The following PPIL1 variants were observed in gnomAD, a reference collection of about 807,000 sequenced individuals.
PPIL1 encodes peptidylprolyl isomerase like 1, also known as peptidyl-prolyl cis-trans isomerase-like 1.
In PPIL1, 14 loss-of-function variants were observed where a neutral mutation model predicts 19.4. The observed-to-expected ratio is 0.72, with a 90% CI of 0.48 to 1.13. The LOEUF is 1.13. Ranked by LOEUF, PPIL1 falls within the 50% of genes most tolerant of loss-of-function variation. PPIL1 has a pLI of 0.00. For missense variants in PPIL1, 192 were observed against 218.0 expected, an observed-to-expected ratio of 0.88 and a Z score of 0.75; for synonymous variants, 72 against 73.6, an observed-to-expected ratio of 0.98 and a Z score of 0.11.
intron 2 of PPIL1, among the ~76,000 whole-genome samples, chr6:36,867,399 T>C (rs1458625289): frequency 1.3e-5 from 2 of 150,918 alleles, no homozygotes; most frequent in Non-Finnish European, 3.0e-5. Flanking sequence ...GTAAAAAGAG[T>C]CAGCCAAGAG....
At position 36,855,651 on chromosome 6, in the gene PPIL1, A is replaced by C. The variant is rs1191505632; in HGVS notation, c.*162T>G. On this transcript the variant is annotated 3_prime_UTR_variant, in exon 4 of 4. Coordinates refer to ENST00000373699, the MANE Select transcript of PPIL1 (RefSeq NM_016059.5). ...TGGGGGAAGAGAAAAGAAGCATCCT[A>C]TTAAAATGTACTTCCATCTCTAACT... is the stretch of plus-strand genomic sequence containing the variant. 1.9e-5 allele frequency: 13 copies of C among 678,730 alleles called. No homozygotes were observed. Among genetic ancestry groups the C allele is most frequent in the Non-Finnish European group, 2.7e-5 (11 of 401,964 alleles). 42.0% of individuals were successfully genotyped at this position (678,730 alleles called of 1,614,324 possible).
At chr6:36,874,377 T>C (rs542028210) in intron 1 of PPIL1, among the ~76,000 whole-genome samples, 2 of 152,374 alleles carry the variant, frequency 1.3e-5, no homozygotes, top group African/African-American at 4.8e-5. Context: ...CAGGGCTGTC[T>C]GTGTTTTATC....
At position 36,874,699 on chromosome 6, in the gene PPIL1, A is replaced by G; in HGVS notation, c.56+18T>C. On this transcript the variant is annotated intron_variant, in intron 1 of 3. Coordinates refer to ENST00000373699, the MANE Select transcript of PPIL1 (RefSeq NM_016059.5). ...TCCGCGTCTCCTCTGCCAGCCCCAG[A>G]CGCCCGAACCCCCTCACCTGGTCTC... The G allele has an allele frequency of 6.2e-7, 1 of 1,613,452 alleles. No individual in the cohort carries two copies. Among genetic ancestry groups the G allele is most frequent in the Non-Finnish European group, 8.5e-7 (1 of 1,179,662 alleles).
intron 2 of PPIL1, among the ~76,000 whole-genome samples, chr6:36,862,980 A>G (rs909636425): frequency 2.0e-5 from 3 of 152,170 alleles, no homozygotes; most frequent in African/African-American, 7.2e-5. Flanking sequence ...CTTAATCAAG[A>G]CACTTTCTCT....
In PPIL1 at chr6:36,855,199, ATG is replaced by A. The variant is rs1774142012; in HGVS notation, c.*612_*613del. On this transcript the variant is annotated 3_prime_UTR_variant, in exon 4 of 4. Transcript: ENST00000373699. ...ACCTTCTTAGAAACTTGATTGTTGG[ATG>A]TGTTTTTCATTTGGCAAAAATTCAA... 6.5e-6 allele frequency: 1 copy of A among 153,118 alleles called. No homozygotes were observed. The highest frequency in any genetic ancestry group is 1.5e-5 in the Non-Finnish European group (1 of 68,374). The allele number at this position is 153,118 out of a possible 1,614,324, so 9.5% of individuals were successfully genotyped here.
chr6:36,856,483 T>C (rs1774169706), intron 3 of PPIL1, 103 bp downstream of exon 3: 1 of 1,067,368 alleles, frequency 9.4e-7, no homozygotes, highest in Non-Finnish European at 1.4e-6. Flanking sequence ...GGCAGCTATC[T>C]GGCACCATGC....
intron 2 of PPIL1, among the ~76,000 whole-genome samples, chr6:36,868,594 T>G (rs1360194616): frequency 6.6e-6 from 1 of 152,114 alleles, no homozygotes; most frequent in Non-Finnish European, 1.5e-5. Context: ...TCCCAACATT[T>G]TGGAAGGCCG....
intron 1 of PPIL1, 123 bp downstream of exon 1, chr6:36,874,594 G>T: frequency 1.5e-6 from 2 of 1,325,974 alleles, no homozygotes; most frequent in Non-Finnish European, 2.1e-6. Context: ...CGTCTCGGCC[G>T]CTGCTCCACG....
In PPIL1 at chr6:36,854,953, T is replaced by C. The variant is rs1028967225; in HGVS notation, c.*860A>G. On this transcript the variant is annotated 3_prime_UTR_variant, in exon 4 of 4. Transcript: ENST00000373699. ...ATTTTTATACATAAACAACTGAACA[T>C]ATAAAAATCTTGGACCTAATTTCTC... is the stretch of plus-strand genomic sequence containing the variant. 8 of 152,638 alleles carry C rather than the reference T, an allele frequency of 5.2e-5. No individual in the cohort carries two copies. Among genetic ancestry groups the C allele is most frequent in the African/African-American group, 1.9e-4 (8 of 41,448 alleles). 9.5% of individuals were successfully genotyped at this position (152,638 alleles called of 1,614,324 possible).
At chr6:36,860,571 C>T (rs908772986) in intron 2 of PPIL1, among the ~76,000 whole-genome samples, 4 of 152,050 alleles carry the variant, frequency 2.6e-5, no homozygotes, top group African/African-American at 9.7e-5. Context: ...ACCTCCGCCC[C>T]CAAGAAATAA....
chr6:36,856,389 C>T (rs1774168310), intron 3 of PPIL1, among the ~76,000 whole-genome samples, 197 bp downstream of exon 3: 3 of 152,166 alleles, frequency 2.0e-5, no homozygotes, highest in Admixed American at 6.5e-5. Flanking sequence ...TAGAACACAC[C>T]GACCAGTGCT....
At chr6:36,866,876 G>A (rs560726845) in intron 2 of PPIL1, among the ~76,000 whole-genome samples, 1 of 152,286 alleles carries the variant, frequency 6.6e-6, no homozygotes, top group South Asian at 2.1e-4. Context: ...TGACTCCAAT[G>A]GGGATGGCAT....
chr6:36,867,501 T>C (rs977243784), intron 2 of PPIL1, among the ~76,000 whole-genome samples: 10 of 152,194 alleles, frequency 6.6e-5, no homozygotes, highest in African/African-American at 2.4e-4. Flanking sequence ...ACCCTCCGAT[T>C]CTGAACAGCC....
At chr6:36,871,264 G>C (rs1774503417) in intron 2 of PPIL1, among the ~76,000 whole-genome samples, 1 of 152,106 alleles carries the variant, frequency 6.6e-6, no homozygotes, top group Admixed American at 6.6e-5. Context: ...CTGTCTCTTT[G>C]TTTATAGGTA....
rs1774144335 is a variant in PPIL1, at chr6:36,855,327, G to C, written c.*486C>G. 5.9e-6 allele frequency: 1 copy of C among 169,348 alleles called. No individual in the cohort carries two copies. The highest frequency in any genetic ancestry group is 1.3e-5 in the Non-Finnish European group (1 of 76,000). The allele number at this position is 169,348 out of a possible 1,614,324, so 10.5% of individuals were successfully genotyped here. A position where few individuals can be genotyped will look rare whatever the true frequency, so the allele number is the denominator to read the frequency against. ...ATAGAGATGCATACATTCCCTAGAA[G>C]AACAAATGTAAAAGACTGAAATAGG... On this transcript the variant is annotated 3_prime_UTR_variant, in exon 4 of 4. Transcript: ENST00000373699.
At chr6:36,856,093 C>G in intron 3 of PPIL1, 60 bp from the exon 4 acceptor site, 1 of 1,523,406 alleles carries the variant, frequency 6.6e-7, no homozygotes, top group South Asian at 1.2e-5. Context: ...CAGTGTAGAG[C>G]TGCTGCCCCA....
chr6:36,867,286 T>C (rs144385098), intron 2 of PPIL1, among the ~76,000 whole-genome samples: 22 of 152,008 alleles, frequency 1.4e-4, no homozygotes, highest in African/African-American at 5.3e-4. Context: ...TACCACATGC[T>C]CCCAACACCC....
At chr6:36,869,575 G>A (rs1267486913) in intron 2 of PPIL1, among the ~76,000 whole-genome samples, 1 of 150,152 alleles carries the variant, frequency 6.7e-6, no homozygotes, top group African/African-American at 2.5e-5. Flanking sequence ...TGAGCATTCT[G>A]AAAAAAAAAC....
rs377061562 is a variant in PPIL1, at chr6:36,856,535, G to T, written c.280+51C>A. 60 of 1,522,298 alleles carry T rather than the reference G, an allele frequency of 3.9e-5. 1 individual carries two copies. The African/African-American group carries it at 6.3e-4, about 16-fold the overall frequency. The allele number at this position is 1,522,298 out of a possible 1,614,324, so 94.3% of individuals were successfully genotyped here. A position where few individuals can be genotyped will look rare whatever the true frequency, so the allele number is the denominator to read the frequency against. ...CACCTTGAATCATGGCCAAAAGAGT[G>T]AGCTTTTAAAATCCCCGTTCCTACC... On this transcript the variant is annotated intron_variant, in intron 3 of 3. Transcript: ENST00000373699.
Sources: allele counts gnomAD v4.1 joint callset (sites outside exome capture counted in the v4.1 genomes callset), GRCh38; gene constraint gnomAD v4.1.1; transcripts MANE v1.5; gene names NCBI Gene and HGNC (gene_info 2026-07-23, HGNC 2026-07-21).